Variants in GPC3 observed in about 807,000 individuals in gnomAD.
GPC3 encodes glypican-3.
In GPC3, 3 loss-of-function variants were observed where a neutral mutation model predicts 34.4. That is an observed-to-expected ratio of 0.09 (90% CI 0.04 to 0.23). The LOEUF is 0.23. GPC3 is among the 10% of genes least tolerant of loss of function. The pLI is 1.00. For synonymous variants in GPC3, 177 were observed against 174.0 expected, an observed-to-expected ratio of 1.02 and a Z score of -0.13; for missense variants, 351 against 445.6, an observed-to-expected ratio of 0.79 and a Z score of 1.91.
chrX:133,886,957 T>C (rs182165736), intron 2 of GPC3, among the ~76,000 whole-genome samples: 1 of 112,876 alleles, frequency 8.9e-6, no homozygotes, highest in Non-Finnish European at 1.9e-5. Flanking sequence ...GTTTTGAATA[T>C]ATACTCGGAA....
intron 6 of GPC3, among the ~76,000 whole-genome samples, chrX:133,627,968 A>G (rs1019771936): frequency 2.7e-5 from 3 of 112,392 alleles, no homozygotes; most frequent in Non-Finnish European, 5.6e-5. Context: ...TGTTTGCACT[A>G]TTGTTTGACA....
intron 7 of GPC3, among the ~76,000 whole-genome samples, chrX:133,550,310 C>T (rs1476975624): frequency 5.4e-5 from 6 of 110,967 alleles, no homozygotes; most frequent in Admixed American, 4.8e-4. Context: ...CCACTGTGAC[C>T]GGCCCCACAA....
intron 3 of GPC3, among the ~76,000 whole-genome samples, chrX:133,743,187 G>A (rs2071579811): frequency 8.9e-6 from 1 of 112,758 alleles, no homozygotes; most frequent in South Asian, 3.6e-4. Context: ...TGTGGTTGCT[G>A]GTAATGATGA....
At chrX:133,701,583 T>C (rs1187439144) in intron 3 of GPC3, among the ~76,000 whole-genome samples, 1 of 112,275 alleles carries the variant, frequency 8.9e-6, no homozygotes, top group African/African-American at 3.2e-5. Flanking sequence ...ATATTAGAAA[T>C]ATCTGGCAAG....
chrX:133,641,466 ACTGTCT>A (rs1164352041), intron 6 of GPC3, among the ~76,000 whole-genome samples: 1 of 109,973 alleles, frequency 9.1e-6, no homozygotes, highest in Non-Finnish European at 1.9e-5. Context: ...ACAGAGCAAG[ACTGTCT>A]CAAAGAAAAA....
At chrX:133,908,907 T>A (rs1293857811) in intron 2 of GPC3, among the ~76,000 whole-genome samples, 1 of 112,338 alleles carries the variant, frequency 8.9e-6, no homozygotes, top group Non-Finnish European at 1.9e-5. Context: ...AACTTTCGTC[T>A]TGTAAGTTTT....
intron 6 of GPC3, among the ~76,000 whole-genome samples, chrX:133,638,333 C>T (rs996937982): frequency 3.6e-5 from 4 of 111,897 alleles, no homozygotes; most frequent in South Asian, 3.8e-4. Flanking sequence ...CTTGTTCCCT[C>T]GCCTGCCAGT....
intron 1 of GPC3, among the ~76,000 whole-genome samples, chrX:133,955,143 C>T (rs911770718): frequency 7.2e-5 from 8 of 110,881 alleles, no homozygotes; most frequent in African/African-American, 2.6e-4. Flanking sequence ...GACTAATGGT[C>T]CCAGCTGCTG....
intron 7 of GPC3, among the ~76,000 whole-genome samples, chrX:133,555,910 CT>C (rs1045263401): frequency 9.0e-6 from 1 of 111,699 alleles, no homozygotes; most frequent in African/African-American, 3.3e-5. Flanking sequence ...TTAACTGCCC[CT>C]CCTCCCAGGT....
intron 7 of GPC3, among the ~76,000 whole-genome samples, chrX:133,546,891 T>C (rs974713685): frequency 9.8e-5 from 11 of 112,474 alleles, no homozygotes; most frequent in African/African-American, 3.6e-4. Flanking sequence ...TGTAGTACTA[T>C]TCACAATAGC....
intron 3 of GPC3, among the ~76,000 whole-genome samples, chrX:133,740,513 A>G (rs193093428): frequency 8.9e-6 from 1 of 112,495 alleles, no homozygotes; most frequent in East Asian, 2.8e-4. Context: ...AAGATTATTT[A>G]AAGGGTTCAC....
At chrX:133,817,262 C>T (rs1043014610) in intron 2 of GPC3, among the ~76,000 whole-genome samples, 1 of 111,510 alleles carries the variant, frequency 9.0e-6, no homozygotes, top group Non-Finnish European at 1.9e-5. Context: ...TTTCTTCTAG[C>T]GTGTAGACTT....
intron 2 of GPC3, among the ~76,000 whole-genome samples, chrX:133,886,095 T>C (rs73568908): frequency 0.049 from 5,522 of 111,632 alleles, 319 homozygotes; most frequent in African/African-American, 0.17. Flanking sequence ...TCAATCTTCA[T>C]TCAATTATCT....
chrX:133,825,223 A>G (rs184845604), intron 2 of GPC3, among the ~76,000 whole-genome samples: 2 of 112,098 alleles, frequency 1.8e-5, no homozygotes, highest in Non-Finnish European at 3.8e-5. Flanking sequence ...CAGTTATTCA[A>G]GTAAAATCGC....
At chrX:133,934,621 C>T (rs2872391) in intron 2 of GPC3, among the ~76,000 whole-genome samples, 1 of 110,263 alleles carries the variant, frequency 9.1e-6, no homozygotes, top group African/African-American at 3.3e-5. Flanking sequence ...CAGGGGATCC[C>T]CTACCTCAGC....
chrX:133,767,939 T>C (rs2071867144), intron 2 of GPC3, among the ~76,000 whole-genome samples: 1 of 102,473 alleles, frequency 9.8e-6, no homozygotes, highest in African/African-American at 3.6e-5. Context: ...TTAGGGAGTC[T>C]GTGTGAGAGA....
chrX:133,973,277 T>C (rs1487189529), intron 1 of GPC3, among the ~76,000 whole-genome samples: 1 of 112,747 alleles, frequency 8.9e-6, no homozygotes, highest in Non-Finnish European at 1.9e-5. Context: ...TGGGTGAAAA[T>C]TCCGGCTCCG....
At chrX:133,564,812 A>G (rs2069568991) in intron 7 of GPC3, among the ~76,000 whole-genome samples, 1 of 112,152 alleles carries the variant, frequency 8.9e-6, no homozygotes, top group African/African-American at 3.2e-5. Context: ...ATGATATAAA[A>G]TGACTTCCAA....
Position 133,607,716 on chromosome X carries a change from G to A in GPC3, c.1414-11117C>T, listed in dbSNP as rs1014419043. 2.3e-4 allele frequency among the ~76,000 whole-genome samples: 26 copies of A among 112,668 alleles called. No individual in the cohort carries two copies. In the Admixed American group the frequency reaches 2.3e-3, roughly 10 times the overall value. ...CAAGACAGCTGAACAGACGGACTGA[G>A]TGATTGACTACCAGCATTTACTTTA... On this transcript the variant is annotated intron_variant, in intron 6 of 7. Transcript: ENST00000370818.
Sources: allele counts gnomAD v4.1 joint callset (sites outside exome capture counted in the v4.1 genomes callset), GRCh38; gene constraint gnomAD v4.1.1; transcripts MANE v1.5; gene names NCBI Gene and HGNC (gene_info 2026-07-23, HGNC 2026-07-21).